The following TSC2 variants were observed in gnomAD, a reference collection of about 807,000 sequenced individuals.
TSC2 encodes the protein TSC complex subunit 2.
A neutral mutation model predicts 202.2 loss-of-function variants in TSC2; 29 were observed. The ratio of observed to expected loss-of-function variants is 0.14; its 90% CI spans 0.11 to 0.20. The LOEUF is 0.20. TSC2 is among the 10% of genes least tolerant of loss of function. TSC2 has a pLI of 1.00. For missense variants in TSC2, 2,429 were observed against 2,420.0 expected (o/e 1.00, Z -0.08); for synonymous variants, 1,349 against 1,044.0 (o/e 1.29, Z -5.63).
In TSC2 at chr16:2,088,869, G is replaced by A. The variant is rs930324355; in HGVS notation, c.*259G>A. ...TGCCTGGGCCATACAGCACACTCGCGCGTGCGCGCGCGCACACACACACAC... is the reference window on the plus strand; with the variant it reads ...TGCCTGGGCCATACAGCACACTCGCACGTGCGCGCGCGCACACACACACAC... On this transcript the variant is annotated 3_prime_UTR_variant, in exon 42 of 42. Transcript: ENST00000219476. 1.8e-5 allele frequency: 9 copies of A among 499,906 alleles called. No individual in the cohort carries two copies. The highest frequency in any genetic ancestry group is 7.1e-5 in the Admixed American group (2 of 28,044). 31.0% of individuals were successfully genotyped at this position (499,906 alleles called of 1,614,324 possible).
intron 9 of TSC2, among the ~76,000 whole-genome samples, chr16:2,057,488 C>T (rs2072314): frequency 0.019 from 2,855 of 152,186 alleles, 126 homozygotes; most frequent in Admixed American, 0.093. Context: ...TTGACGTTGC[C>T]CTTGCCCTCA....
chr16:2,077,949 C>G (rs957066498), intron 26 of TSC2, among the ~76,000 whole-genome samples: 1 of 152,180 alleles, frequency 6.6e-6, no homozygotes, highest in Non-Finnish European at 1.5e-5. Context: ...CTCGGGGTGC[C>G]GCTCCGAGAG....
chr16:2,065,604 C>T lies in TSC2; in HGVS notation c.1685C>T (p.Thr562Ile), dbSNP rs1463643429. ...TCGGCCTCCTTGGAGGATGTGAAGA[C>T]AGCCGTCCTGGGGCTTCTGGTCATC... ...AYSASLEDVK[T>I]AVLGLLVILQ... The change falls in exon 16 of 42, where the codon ACA (threonine) becomes ATA (isoleucine). Residue 562 changes from threonine (T) to isoleucine (I), a missense_variant. Thr to Ile is a moderately conservative substitution (Grantham distance 89). Transcript: ENST00000219476. 3.1e-6 allele frequency: 5 copies of T among 1,613,678 alleles called. No individual in the cohort carries two copies. In the Admixed American group the frequency reaches 6.7e-5, roughly 22 times the overall value.
chr16:2,054,777 C>T (rs2085559662), intron 5 of TSC2: 2 of 422,852 alleles, frequency 4.7e-6, no homozygotes, highest in Non-Finnish European at 8.9e-6. Context: ...GTACTGGTCC[C>T]GTCTTCCTCC....
rs749907115 is a variant in TSC2 at position 2,053,535 on chromosome 16, C to G, written c.336+83C>G. The G allele has an allele frequency of 2.0e-5, 28 of 1,370,078 alleles. No homozygotes were observed. The African/African-American group carries it at 2.9e-4, about 14-fold the overall frequency. 84.9% of individuals were successfully genotyped at this position (1,370,078 alleles called of 1,614,324 possible). A position where few individuals can be genotyped will look rare whatever the true frequency, so the allele number is the denominator to read the frequency against. ...TCCCTGCTGGGCCGTGTTTGGACTC[C>G]TGCCTCGGTGAGTTGCTGGGCACAG... On this transcript the variant is annotated intron_variant, in intron 4 of 41. Transcript: ENST00000219476.
intron 9 of TSC2, 43 bp from the exon 10 acceptor site, chr16:2,058,704 C>T (rs2086214452): frequency 1.9e-6 from 3 of 1,556,216 alleles, no homozygotes; most frequent in South Asian, 1.2e-5. Context: ...GACCCTGGGA[C>T]AGGGCCCTGC....
chr16:2,068,522 C>T (rs1216539719), intron 16 of TSC2: 1 of 152,186 alleles, frequency 6.6e-6, no homozygotes, highest in Non-Finnish European at 1.5e-5. Context: ...TATTAATGTA[C>T]AGCTCGTGTG....
chr16:2,054,481 G>C, intron 5 of TSC2, 41 bp downstream of exon 5: 1 of 1,613,178 alleles, frequency 6.2e-7, no homozygotes, highest in African/African-American at 1.3e-5. Flanking sequence ...TGGCCTTGAC[G>C]ATCAAGTGTA....
intron 38 of TSC2, 193 bp downstream of exon 38, chr16:2,087,064 G>A (rs533933470): frequency 3.5e-5 from 28 of 810,200 alleles, no homozygotes; most frequent in African/African-American, 1.7e-4. Context: ...AGCCTGTGGC[G>A]CCTGCTGCTG....
chr16:2,088,063 T>G lies in TSC2; in HGVS notation c.5084T>G (p.Val1695Gly). 1.9e-6 allele frequency: 3 copies of G among 1,612,906 alleles called. No homozygotes were observed. Among genetic ancestry groups the G allele is most frequent in the Non-Finnish European group, 2.5e-6 (3 of 1,180,006 alleles). The change falls in exon 40 of 42, where the codon GTG (valine) becomes GGG (glycine). Residue 1695 changes from valine (V) to glycine (G), a missense_variant. Physicochemically the swap from Val to Gly is moderately radical, Grantham distance 109. Transcript: ENST00000219476. ...LQCRKDMEGL[V>G]DTSVAKIVSD... ...GTCTCCCCAGACATGGAGGGCCTTG[T>G]GGACACCAGCGTGGCCAAGATCGTG... is the stretch of plus-strand genomic sequence containing the variant.
rs866927471 is a variant in TSC2 at position 2,074,720 on chromosome 16, C to A, written c.2545+331C>A. 7.8e-5 allele frequency: 33 copies of A among 420,906 alleles called. 1 individual carries two copies. The highest frequency in any genetic ancestry group is 5.2e-4 in the African/African-American group (26 of 49,618). The allele number at this position is 420,906 out of a possible 1,614,324, so 26.1% of individuals were successfully genotyped here. ...TCAGGGGGGCTTTGTTCGCTTCCCC[C>A]AGACTGTGACTTCAGGAGCTCAGGT... On this transcript the variant is annotated intron_variant, in intron 22 of 41. Coordinates refer to ENST00000219476, the MANE Select transcript of TSC2 (RefSeq NM_000548.5).
At chr16:2,055,265 G>C in intron 5 of TSC2, 137 bp from the exon 6 acceptor site, 2 of 777,988 alleles carry the variant, frequency 2.6e-6, no homozygotes, top group South Asian at 1.4e-5. Flanking sequence ...TGCGTGGTCT[G>C]TCTGTTGCTG....
At position 2,072,443 on chromosome 16, in the gene TSC2, G is replaced by A. The variant is rs145861296; in HGVS notation, c.2220+80G>A. 537 of 1,582,072 alleles carry A rather than the reference G, an allele frequency of 3.4e-4. 1 individual carries two copies. In the African/African-American group the frequency reaches 6.6e-3, roughly 19 times the overall value. On this transcript the variant is annotated intron_variant, in intron 20 of 41. Transcript: ENST00000219476. The stretch of plus-strand genomic sequence containing the variant: ...AAGACTGCGAGCCTCTGGGCAGAGC[G>A]AGTGAGACCCTTCGGGCTCGGGCTC...
rs2091105670 is a variant in TSC2, at chr16:2,088,149, G to A, written c.5160+10G>A. 3 of 1,612,890 alleles carry A rather than the reference G, an allele frequency of 1.9e-6. No individual in the cohort carries two copies. The highest frequency in any genetic ancestry group is 1.6e-4 in the Middle Eastern group (1 of 6,084). The stretch of plus-strand genomic sequence containing the variant: ...GGCCCTGCACGCAAATGTGAGTGGG[G>A]GTGGGTCCAGGCGTGAGCTGGTGGG... On this transcript the variant is annotated intron_variant, in intron 40 of 41. Transcript: ENST00000219476.
Position 2,076,058 on chromosome 16 carries a change from C to G in TSC2, c.2640-10C>G, listed in dbSNP as rs964883731. Reference sequence around the variant, plus strand: ...GCCAGGATGGAGTGCCAGCCCCCTTCTCATCTCAGGTTTAATCAGTACATC... The same window carrying G: ...GCCAGGATGGAGTGCCAGCCCCCTTGTCATCTCAGGTTTAATCAGTACATC... On this transcript the variant is annotated splice_polypyrimidine_tract_variant and intron_variant, in intron 23 of 41. Transcript: ENST00000219476. The G allele has an allele frequency of 1.9e-6, 3 of 1,613,810 alleles. No individual in the cohort carries two copies. Among genetic ancestry groups the G allele is most frequent in the Admixed American group, 1.7e-5 (1 of 59,998 alleles).
At chr16:2,058,938 C>T in intron 10 of TSC2, 65 bp downstream of exon 10, 1 of 1,570,640 alleles carries the variant, frequency 6.4e-7, no homozygotes, top group Non-Finnish European at 8.6e-7. Flanking sequence ...GCCTGCCCAC[C>T]CATCCCACTG....
Position 2,056,772 on chromosome 16 carries a change from G to T in TSC2, c.774+3G>T. 1.2e-6 allele frequency: 2 copies of T among 1,607,476 alleles called. No individual in the cohort carries two copies. Among genetic ancestry groups the T allele is most frequent in the Non-Finnish European group, 8.5e-7 (1 of 1,179,978 alleles). On this transcript the variant is annotated splice_donor_region_variant and intron_variant, in intron 8 of 41. Transcript: ENST00000219476. ...AGCTCTGCGAGCCTTGCTGGAAGGT[G>T]GGGTTTCTGAAACTGCTCTGGAAGG...
At chr16:2,087,786 G>A (rs955427871) in intron 38 of TSC2, 77 bp from the exon 39 acceptor site, 11 of 1,547,548 alleles carry the variant, frequency 7.1e-6, no homozygotes, top group Middle Eastern at 1.7e-4. Context: ...GTGTCTAGCA[G>A]TGCAACCAGG....
At chr16:2,071,388 C>T (rs967084714) in intron 17 of TSC2, 122 bp from the exon 18 acceptor site, 6 of 919,324 alleles carry the variant, frequency 6.5e-6, no homozygotes, top group African/African-American at 3.3e-5. Flanking sequence ...GGTGTGTGCA[C>T]ATCAGCAGGT....
Sources: gnomAD v4.1 joint callset for allele counts (sites outside exome capture counted in the v4.1 genomes callset) on GRCh38, gnomAD v4.1.1 for gene constraint, MANE v1.5 for transcripts, NCBI Gene and HGNC (gene_info 2026-07-23, HGNC 2026-07-21) for gene names.